The following B3GALT5 variants were observed in gnomAD, a reference collection of about 807,000 sequenced individuals.
B3GALT5 encodes the protein beta-1,3-galactosyltransferase 5, also known as UDP-Gal:betaGlcNAc beta 1,3-galactosyltransferase, polypeptide 5.
For synonymous variants in B3GALT5, 156 were observed against 158.6 expected (o/e 0.98, Z 0.12); for missense variants, 328 against 396.6 (o/e 0.83, Z 1.47).
intron 1 of B3GALT5, among the ~76,000 whole-genome samples, chr21:39,614,975 G>A (rs1569204196): frequency 6.6e-6 from 1 of 152,170 alleles, no homozygotes; most frequent in African/African-American, 2.4e-5. Context: ...GTCCCTCCTT[G>A]TACCTGACAG....
chr21:39,648,819 G>A (rs564892707), intron 2 of B3GALT5, among the ~76,000 whole-genome samples: 5 of 152,196 alleles, frequency 3.3e-5, no homozygotes, highest in South Asian at 4.1e-4. Flanking sequence ...TGGAGCGCTC[G>A]TGATGAGATG....
intron 1 of B3GALT5, among the ~76,000 whole-genome samples, chr21:39,638,608 C>T (rs980076004): frequency 2.0e-5 from 3 of 152,174 alleles, no homozygotes; most frequent in Non-Finnish European, 4.4e-5. Context: ...GCAAGAACCC[C>T]GGGATACAGA....
At chr21:39,645,244 A>G (rs559817397) in intron 1 of B3GALT5, among the ~76,000 whole-genome samples, 7 of 152,226 alleles carry the variant, frequency 4.6e-5, no homozygotes, top group Admixed American at 6.5e-5. Context: ...CCCTCTTCCT[A>G]CCATGAGGTT....
In B3GALT5 at chr21:39,639,355, C is replaced by CTTTTT. The variant is rs1569212210; in HGVS notation, c.-391-7035_-391-7034insTTTTT. On this transcript the variant is annotated intron_variant, in intron 1 of 3. Transcript: ENST00000684187. ...CTTTCTTTCTTTCTTTCTTTCCTTCCTTCCTTCCTTCCTTCCTTCCTTCCT... is the reference window on the plus strand; with the variant it reads ...CTTTCTTTCTTTCTTTCTTTCCTTCCTTTTTTTCCTTCCTTCCTTCCTTCCTTCCT... Among the ~76,000 whole-genome samples the CTTTTT allele has an allele frequency of 5.8e-3, 459 of 79,374 alleles. 3 individuals are homozygous for CTTTTT. Among genetic ancestry groups the CTTTTT allele is most frequent in the Non-Finnish European group, 7.7e-3 (292 of 37,724 alleles). The allele number at this position is 79,374 out of a possible 152,430, so 52.1% of individuals were successfully genotyped here.
chr21:39,621,775 G>T (rs1015351526), intron 1 of B3GALT5, among the ~76,000 whole-genome samples: 2 of 151,972 alleles, frequency 1.3e-5, no homozygotes, highest in South Asian at 4.2e-4. Flanking sequence ...CTTTAAATAT[G>T]ATTTATTTCT....
In B3GALT5 at chr21:39,661,176, C is replaced by T. The variant is rs758978478; in HGVS notation, c.617C>T (p.Pro206Leu). ...SKWFVSKSEYPWDRYPPFCSG... is the reference protein window; with the variant it reads ...SKWFVSKSEYLWDRYPPFCSG... ...TGGTTTGTCAGTAAATCTGAATATC[C>T]GTGGGACAGGTACCCACCATTCTGC... The change falls in exon 4 of 4, where the codon CCG (proline) becomes CTG (leucine). Residue 206 changes from proline (P) to leucine (L), a missense_variant. Coordinates refer to ENST00000684187, the MANE Select transcript of B3GALT5 (RefSeq NM_001356336.2). The surrounding 1 kb of genome is among the most constrained non-coding windows in gnomAD (Gnocchi z 4.7). The T allele has an allele frequency of 4.3e-6, 7 of 1,614,080 alleles. No individual in the cohort carries two copies. Among genetic ancestry groups the T allele is most frequent in the South Asian group, 3.3e-5 (3 of 91,050 alleles).
At chr21:39,657,210 G>A (rs992639643) in intron 2 of B3GALT5, 1 of 152,308 alleles carries the variant, frequency 6.6e-6, no homozygotes, top group African/African-American at 2.4e-5. Flanking sequence ...TAGAGAACTG[G>A]TAAAGCATTA....
chr21:39,640,842 C>T (rs2079284146), intron 1 of B3GALT5, among the ~76,000 whole-genome samples: 2 of 152,026 alleles, frequency 1.3e-5, no homozygotes, highest in Non-Finnish European at 2.9e-5. Context: ...TGGGATCAAG[C>T]GATCCTCCTG....
intron 1 of B3GALT5, among the ~76,000 whole-genome samples, chr21:39,625,173 C>T (rs1044155865): frequency 7.2e-5 from 11 of 152,186 alleles, no homozygotes; most frequent in Admixed American, 1.3e-4. Context: ...CCACCTATGG[C>T]ACAAAAAGCC....
chr21:39,654,730 A>C (rs1336775849), intron 2 of B3GALT5, among the ~76,000 whole-genome samples: 1 of 152,202 alleles, frequency 6.6e-6, no homozygotes, highest in East Asian at 1.9e-4. Context: ...CATGACCCTG[A>C]TCAGTCAGGA....
At chr21:39,660,434 T>C in intron 3 of B3GALT5, 126 bp from the exon 4 acceptor site, 1 of 733,214 alleles carries the variant, frequency 1.4e-6, no homozygotes, top group Non-Finnish European at 2.0e-6. Context: ...GCACCCGACT[T>C]CTGTATGCAG....
At chr21:39,615,688 G>A (rs1275654054) in intron 1 of B3GALT5, among the ~76,000 whole-genome samples, 2 of 152,170 alleles carry the variant, frequency 1.3e-5, no homozygotes, top group African/African-American at 4.8e-5. Flanking sequence ...ATTTCCCTAT[G>A]CCTCAGTTTC....
chr21:39,625,861 G>C (rs534304709), intron 1 of B3GALT5, among the ~76,000 whole-genome samples: 2 of 152,008 alleles, frequency 1.3e-5, no homozygotes, highest in Non-Finnish European at 2.9e-5. Flanking sequence ...TTTTTTGGGG[G>C]GGTATAATCA....
chr21:39,657,030 C>T (rs902128779), intron 2 of B3GALT5, among the ~76,000 whole-genome samples: 1 of 152,190 alleles, frequency 6.6e-6, no homozygotes, highest in African/African-American at 2.4e-5. Context: ...CTCAGAGGAG[C>T]CTGCAGCAGG....
chr21:39,657,781 C>CTG (rs745803005), intron 2 of B3GALT5: 11 of 1,060,974 alleles, frequency 1.0e-5, no homozygotes, highest in Non-Finnish European at 1.3e-5. Context: ...TTCGATCTCT[C>CTG]TAGAGAACCC....
intron 1 of B3GALT5, among the ~76,000 whole-genome samples, chr21:39,624,645 A>G (rs1039634350): frequency 3.9e-5 from 6 of 152,178 alleles, no homozygotes; most frequent in African/African-American, 7.2e-5. Flanking sequence ...TGATGGAAGG[A>G]TGGTGGTGGA....
At chr21:39,616,419 T>C (rs570463378) in intron 1 of B3GALT5, among the ~76,000 whole-genome samples, 13 of 152,330 alleles carry the variant, frequency 8.5e-5, no homozygotes, top group African/African-American at 3.1e-4. Context: ...CTTAGTTTCT[T>C]GTAGCAATAA....
rs74741753 is a variant in B3GALT5 at position 39,634,841 on chromosome 21, A to C, written c.-391-11551A>C. On this transcript the variant is annotated intron_variant, in intron 1 of 3. Coordinates refer to ENST00000684187, the MANE Select transcript of B3GALT5 (RefSeq NM_001356336.2). ...CTATCAGGAAAACAGCTCAAAGCAC[A>C]TTCCCTATTCATGTCGGGGCAGTAG... 2.8e-3 allele frequency among the ~76,000 whole-genome samples: 421 copies of C among 152,268 alleles called. 2 individuals are homozygous for C. Among genetic ancestry groups the C allele is most frequent in the Non-Finnish European group, 4.6e-3 (313 of 68,010 alleles).
Position 39,618,659 on chromosome 21 carries a change from C to T in B3GALT5, c.-392+5592C>T, listed in dbSNP as rs144423492. ...TTTGGAATGTCTTTTTCTTATAGAT[C>T]TATAGAAGCTCATTTAGAAATTCTA... On this transcript the variant is annotated intron_variant, in intron 1 of 3. Transcript: ENST00000684187. Among the ~76,000 whole-genome samples the T allele has an allele frequency of 2.0e-3, 309 of 152,132 alleles. 4 individuals carry two copies. The highest frequency in any genetic ancestry group is 0.013 in the South Asian group (65 of 4,822).
Sources: gnomAD v4.1 joint callset for allele counts (sites outside exome capture counted in the v4.1 genomes callset) on GRCh38, gnomAD v4.1.1 for gene constraint, Gnocchi (gnomAD v3.1) non-coding constraint, MANE v1.5 for transcripts, NCBI Gene and HGNC (gene_info 2026-07-23, HGNC 2026-07-21) for gene names.